OCA2: variants seen among roughly 807,000 people sequenced by gnomAD.
The protein encoded by OCA2 is P protein.
In OCA2, 77 loss-of-function variants were observed where a neutral mutation model predicts 100.2. That is an observed-to-expected ratio of 0.77 (90% CI 0.64 to 0.93). The LOEUF is 0.93. Among genes scored for constraint, OCA2 ranks in the 40% least tolerant of loss-of-function variants. The pLI is 0.00. For synonymous variants in OCA2, 432 were observed against 439.2 expected, an observed-to-expected ratio of 0.98 and a Z score of 0.21; for missense variants, 1,062 against 1,089.1, an observed-to-expected ratio of 0.98 and a Z score of 0.35.
At chr15:27,959,649 G>T (rs777018120) in intron 15 of OCA2, among the ~76,000 whole-genome samples, 31 of 152,290 alleles carry the variant, frequency 2.0e-4, no homozygotes, top group Admixed American at 3.9e-4. Context: ...GTGCGGGCTG[G>T]AAGTCTCTCC....
intron 3 of OCA2, among the ~76,000 whole-genome samples, chr15:28,029,126 G>T (rs2042840468): frequency 6.6e-6 from 1 of 152,216 alleles, no homozygotes; most frequent in South Asian, 2.1e-4. Flanking sequence ...GACGTTAACA[G>T]ATGTGATCTG....
chr15:28,020,270 A>G (rs776877035), intron 6 of OCA2, among the ~76,000 whole-genome samples: 13 of 152,064 alleles, frequency 8.5e-5, no homozygotes, highest in Non-Finnish European at 1.8e-4. Flanking sequence ...AAGGGGACAC[A>G]CTGGGGCCTG....
At chr15:27,855,651 T>G (rs1206455631) in intron 21 of OCA2, among the ~76,000 whole-genome samples, 1 of 152,252 alleles carries the variant, frequency 6.6e-6, no homozygotes, top group Non-Finnish European at 1.5e-5. Flanking sequence ...TTGTCTATGC[T>G]CATTTATTCT....
At chr15:27,787,787 C>T (rs2032887902) in intron 23 of OCA2, among the ~76,000 whole-genome samples, 1 of 151,468 alleles carries the variant, frequency 6.6e-6, no homozygotes, top group South Asian at 2.1e-4. Flanking sequence ...TTAGTTTGCT[C>T]TTCTTTTTGT....
chr15:28,000,134 A>C (rs1210896884), intron 9 of OCA2, among the ~76,000 whole-genome samples: 4 of 152,202 alleles, frequency 2.6e-5, no homozygotes, highest in African/African-American at 4.8e-5. Flanking sequence ...ATGGAACCAC[A>C]GAAGACCCTA....
At chr15:28,026,116 T>G (rs1274844278) in intron 4 of OCA2, among the ~76,000 whole-genome samples, 2 of 152,204 alleles carry the variant, frequency 1.3e-5, no homozygotes, top group Admixed American at 1.3e-4. Flanking sequence ...CAACCCAAAA[T>G]AAAAGGTTTT....
the OCA2 span, among the ~76,000 whole-genome samples, chr15:27,746,008 C>A: frequency 6.6e-6 from 1 of 152,214 alleles, no homozygotes; most frequent in Non-Finnish European, 1.5e-5. Flanking sequence ...CTTCTGCCCC[C>A]CTAAAATGTA....
intron 9 of OCA2, among the ~76,000 whole-genome samples, chr15:28,013,224 A>AT (rs2042290624): frequency 2.0e-5 from 3 of 152,164 alleles, no homozygotes; most frequent in African/African-American, 7.2e-5. Flanking sequence ...AGGAAATAGG[A>AT]TAGAGCAGCT....
chr15:27,850,033 C>T (rs1312282575), intron 22 of OCA2, among the ~76,000 whole-genome samples: 1 of 152,086 alleles, frequency 6.6e-6, no homozygotes, highest in Non-Finnish European at 1.5e-5. Flanking sequence ...AAAGTGTGCT[C>T]AGTTAATAAG....
intron 6 of OCA2, among the ~76,000 whole-genome samples, chr15:28,019,804 T>C (rs1202973470): frequency 6.6e-6 from 1 of 152,094 alleles, no homozygotes; most frequent in Non-Finnish European, 1.5e-5. Flanking sequence ...GGGAATCACC[T>C]TGTGGGGGGC....
At chr15:28,025,798 T>C (rs1253233357) in intron 4 of OCA2, among the ~76,000 whole-genome samples, 1 of 152,256 alleles carries the variant, frequency 6.6e-6, no homozygotes, top group Non-Finnish European at 1.5e-5. Context: ...ATGCTTGATG[T>C]ATGTGTGTAG....
intron 23 of OCA2, among the ~76,000 whole-genome samples, chr15:27,792,508 T>C (rs2033132454): frequency 6.6e-6 from 1 of 152,168 alleles, no homozygotes; most frequent in Non-Finnish European, 1.5e-5. Flanking sequence ...TGCACAGTCC[T>C]TCCTGGGTGG....
intron 23 of OCA2, among the ~76,000 whole-genome samples, chr15:27,761,240 A>T (rs1310788254): frequency 2.0e-5 from 3 of 152,190 alleles, no homozygotes; most frequent in Non-Finnish European, 4.4e-5. Flanking sequence ...CAGTAAGTTC[A>T]GCAAGGACTG....
At chr15:27,816,823 T>TC (rs1282598147) in intron 23 of OCA2, among the ~76,000 whole-genome samples, 1 of 152,094 alleles carries the variant, frequency 6.6e-6, no homozygotes, top group Admixed American at 6.5e-5. Context: ...GCTTCTCTGC[T>TC]CAAAGACTTC....
At chr15:28,055,079 CAG>C (rs1297468170) in intron 2 of OCA2, among the ~76,000 whole-genome samples, 1 of 152,204 alleles carries the variant, frequency 6.6e-6, no homozygotes, top group East Asian at 1.9e-4. Context: ...GGTGGGGACA[CAG>C]AGCCAAACCC....
At chr15:27,775,203 T>C (rs1371172292) in intron 23 of OCA2, among the ~76,000 whole-genome samples, 1 of 152,020 alleles carries the variant, frequency 6.6e-6, no homozygotes, top group Non-Finnish European at 1.5e-5. Context: ...CTCCGCCCCC[T>C]ACGGGATATG....
chr15:27,985,358 A>G (rs1441446384), intron 12 of OCA2, among the ~76,000 whole-genome samples, 170 bp from the exon 13 acceptor site: 1 of 152,166 alleles, frequency 6.6e-6, no homozygotes, highest in African/African-American at 2.4e-5. Context: ...AGTGCTGGCC[A>G]TCGAAGTTCC....
intron 14 of OCA2, among the ~76,000 whole-genome samples, chr15:27,972,479 A>G (rs2040823624): frequency 1.3e-5 from 2 of 152,258 alleles, no homozygotes; most frequent in South Asian, 4.1e-4. Flanking sequence ...GTGTATAAGC[A>G]TTCCCTTTTT....
In OCA2 at chr15:27,857,870, A is replaced by C. The variant is rs186525748; in HGVS notation, c.2245-6395T>G. Among the ~76,000 whole-genome samples, 4 of 152,320 alleles carry C rather than the reference A, an allele frequency of 2.6e-5. No homozygotes were observed. In the East Asian group the frequency reaches 7.7e-4, roughly 29 times the overall value. ...ACTAAATAGTCTGTATGCTATTGAAACTAATTTGGTATTATTCATGACAGG... is the reference window on the plus strand; with the variant it reads ...ACTAAATAGTCTGTATGCTATTGAACCTAATTTGGTATTATTCATGACAGG... On this transcript the variant is annotated intron_variant, in intron 21 of 23. Coordinates refer to ENST00000354638, the MANE Select transcript of OCA2 (RefSeq NM_000275.3).
Sources: gnomAD v4.1 joint callset for allele counts (sites outside exome capture counted in the v4.1 genomes callset) on GRCh38, gnomAD v4.1.1 for gene constraint, MANE v1.5 for transcripts, NCBI Gene and HGNC (gene_info 2026-07-23, HGNC 2026-07-21) for gene names.